The following BRD8 variants were observed in gnomAD, a reference collection of about 807,000 sequenced individuals.
The protein encoded by BRD8 is bromodomain containing 8.
In BRD8, 67 loss-of-function variants were observed where a neutral mutation model predicts 143.1. The ratio of observed to expected loss-of-function variants is 0.47; its 90% confidence interval spans 0.38 to 0.57. The LOEUF (loss-of-function observed/expected upper bound fraction) is 0.57, where lower values mean the gene tolerates loss of function less well. BRD8 is among the 20% of genes least tolerant of loss of function. The pLI, the probability that BRD8 is intolerant of heterozygous loss-of-function variation, is 0.00. For synonymous variants in BRD8, 505 were observed against 517.1 expected (o/e 0.98, Z 0.32); for missense variants, 1,103 against 1,503.0 (o/e 0.73, Z 4.40).
At chr5:138,153,849 G>C (rs1196116837) in intron 20 of BRD8, among the ~76,000 whole-genome samples, 3 of 151,780 alleles carry the variant, frequency 2.0e-5, no homozygotes, top group Non-Finnish European at 4.4e-5. Context: ...GCTAATTTTT[G>C]TATATTTATA....
Position 138,166,028 on chromosome 5 carries a change from T to A in BRD8, c.1078A>T (p.Ile360Leu). 1.2e-6 allele frequency: 2 copies of A among 1,614,138 alleles called. No individual in the cohort carries two copies. Residue 360 changes from isoleucine to leucine, a missense_variant, in exon 11 of 27, where the codon ATA becomes TTA. Coordinates refer to ENST00000254900, the MANE Select transcript of BRD8 (RefSeq NM_139199.2). Reference sequence around the variant, plus strand: ...TTGATAGAATTGATGATCATGGATATTTCACTGCTGTCCATGGAAACAGTC... The same window carrying A: ...TTGATAGAATTGATGATCATGGATAATTCACTGCTGTCCATGGAAACAGTC... The part of the protein sequence containing the change: ...TVTVSMDSSE[I>L]SMIINSIKEE...
chr5:138,165,554 AT>A (rs1220076714), intron 11 of BRD8, among the ~76,000 whole-genome samples: 2 of 152,208 alleles, frequency 1.3e-5, no homozygotes, highest in African/African-American at 4.8e-5. Flanking sequence ...GGTAAAACTC[AT>A]CTCTACTAAA....
At chr5:138,168,748 T>C in intron 8 of BRD8, 2 of 861,760 alleles carry the variant, frequency 2.3e-6, no homozygotes, top group Non-Finnish European at 3.9e-6. Context: ...TCCCTACTAA[T>C]CTGTATGGGT....
intron 20 of BRD8, among the ~76,000 whole-genome samples, chr5:138,153,092 G>C (rs554942431): frequency 6.6e-6 from 1 of 152,322 alleles, no homozygotes; most frequent in Admixed American, 6.5e-5. Context: ...AGCATAGCTA[G>C]CTCAATTATT....
Position 138,161,871 on chromosome 5 carries a change from A to G in BRD8, c.2181-7T>C, listed in dbSNP as rs776073158. The G allele has an allele frequency of 6.2e-7, 1 of 1,614,004 alleles. No individual in the cohort carries two copies. The stretch of plus-strand genomic sequence containing the variant: ...CAGGAAGACATTGGCATACCTGTCC[A>G]AAAGGAATAAGGTGCAATTACTGAC... On this transcript the variant is annotated splice_region_variant and splice_polypyrimidine_tract_variant and intron_variant, in intron 16 of 26. Coordinates refer to ENST00000254900, the MANE Select transcript of BRD8 (RefSeq NM_139199.2).
intron 7 of BRD8, 116 bp from the exon 8 acceptor site, chr5:138,169,474 A>C: frequency 8.1e-7 from 1 of 1,234,094 alleles, no homozygotes; most frequent in East Asian, 2.4e-5. Context: ...CTAAAGCAGC[A>C]TAATAAGTTT....
chr5:138,162,221 ACAGGGTCTCACTCTGT>A, intron 15 of BRD8, 75 bp from the exon 16 acceptor site: 1 of 1,173,882 alleles, frequency 8.5e-7, no homozygotes, highest in Non-Finnish European at 1.2e-6. Context: ...TCTTTTTGAG[ACAGGGTCTCACTCTGT>A]CCCCCAGGCT....
At chr5:138,174,108 A>G (rs1235673986) in intron 2 of BRD8, among the ~76,000 whole-genome samples, 1 of 152,132 alleles carries the variant, frequency 6.6e-6, no homozygotes, top group Non-Finnish European at 1.5e-5. Context: ...CAACCATGGA[A>G]TCACAAATGG....
Position 138,175,292 on chromosome 5 carries a change from CA to C in BRD8, c.116+2278del, listed in dbSNP as rs200177051. ...TCAAAAATTAGATTTAAAAAACAAA[CA>C]AAAAAAATGCTAGGAAGCATGACAA... On this transcript the variant is annotated intron_variant, in intron 2 of 26. Transcript: ENST00000254900. 3.4e-3 allele frequency among the ~76,000 whole-genome samples: 512 copies of C among 151,256 alleles called. 3 individuals are homozygous for C. Among genetic ancestry groups the C allele is most frequent in the African/African-American group, 0.012 (491 of 41,262 alleles).
At chr5:138,140,212 A>C (rs757009806) in intron 26 of BRD8, 46 bp from the exon 27 acceptor site, 1 of 1,377,446 alleles carries the variant, frequency 7.3e-7, no homozygotes, top group Non-Finnish European at 1.0e-6. Flanking sequence ...AACCTTAAAC[A>C]CTAAAGTATT....
intron 14 of BRD8, chr5:138,163,563 G>T: frequency 1.4e-6 from 2 of 1,451,930 alleles, no homozygotes; most frequent in Non-Finnish European, 9.1e-7. Context: ...CTTTTAAAAA[G>T]AAAGAAAAAA....
intron 2 of BRD8, chr5:138,172,852 C>A (rs564766538): frequency 6.0e-6 from 2 of 335,550 alleles, no homozygotes; most frequent in Middle Eastern, 3.9e-4. Context: ...AGACCACCCC[C>A]TCCGCCATTC....
At chr5:138,164,061 G>A (rs745328704) in intron 14 of BRD8, 26 bp downstream of exon 14, 6 of 1,607,546 alleles carry the variant, frequency 3.7e-6, no homozygotes, top group South Asian at 1.1e-5. Flanking sequence ...CACATGGCAA[G>A]AGGAATAAAG....
At chr5:138,177,694 C>G in intron 1 of BRD8, 27 bp from the exon 2 acceptor site, 1 of 959,836 alleles carries the variant, frequency 1.0e-6, no homozygotes, top group Non-Finnish European at 1.5e-6. Flanking sequence ...AAAAAAAAAG[C>G]CTTGGAAACA....
chr5:138,142,435 G>A (rs959814549), intron 25 of BRD8, among the ~76,000 whole-genome samples: 1 of 152,094 alleles, frequency 6.6e-6, no homozygotes, highest in African/African-American at 2.4e-5. Context: ...TTACCATACA[G>A]GTTTATGACA....
intron 20 of BRD8, among the ~76,000 whole-genome samples, chr5:138,154,830 CT>C (rs200415636): frequency 0.021 from 2,867 of 137,358 alleles, 61 homozygotes; most frequent in East Asian, 0.13. Context: ...AAGTTCATAA[CT>C]TTTTTTTTTT....
intron 23 of BRD8, among the ~76,000 whole-genome samples, chr5:138,147,143 T>C (rs985437774): frequency 6.6e-6 from 1 of 151,454 alleles, no homozygotes; most frequent in Non-Finnish European, 1.5e-5. Context: ...GTACCAAAAA[T>C]TGAAATCTAG....
At chr5:138,170,275 C>G in intron 7 of BRD8, 70 bp downstream of exon 7, 1 of 1,066,940 alleles carries the variant, frequency 9.4e-7, no homozygotes, top group African/African-American at 1.6e-5. Context: ...TGTTACAAAA[C>G]AGTCCAACTG....
At chr5:138,175,820 C>T (rs534375202) in intron 2 of BRD8, among the ~76,000 whole-genome samples, 6 of 137,662 alleles carry the variant, frequency 4.4e-5, no homozygotes, top group Non-Finnish European at 6.2e-5. Flanking sequence ...AGGCTGAGGC[C>T]GGAGGATCAC....
Sources: gnomAD v4.1 joint callset for allele counts (sites outside exome capture counted in the v4.1 genomes callset) on GRCh38, gnomAD v4.1.1 for gene constraint, MANE v1.5 for transcripts, NCBI Gene and HGNC (gene_info 2026-07-23, HGNC 2026-07-21) for gene names.